Variants in SLIT3 observed in about 807,000 individuals in gnomAD.
The protein encoded by SLIT3 is slit homolog 3 protein.
In SLIT3, 68 loss-of-function variants were observed where a neutral mutation model predicts 184.0. The observed-to-expected ratio is 0.37, with a 90% CI of 0.30 to 0.45. SLIT3 has a LOEUF of 0.45. Ranked by LOEUF, SLIT3 falls within the 20% of genes least tolerant of loss-of-function variation. The pLI is 1.00. For missense variants in SLIT3, 1,707 were observed against 2,026.0 expected, an observed-to-expected ratio of 0.84 and a Z score of 3.02; for synonymous variants, 831 against 828.6, an observed-to-expected ratio of 1.00 and a Z score of -0.05.
intron 4 of SLIT3, among the ~76,000 whole-genome samples, chr5:168,974,673 A>T (rs1231368530): frequency 6.6e-6 from 1 of 152,178 alleles, no homozygotes; most frequent in East Asian, 1.9e-4. Context: ...GTGGCCCTTT[A>T]AAGACACCAG....
At chr5:169,096,914 A>G (rs1759808633) in intron 4 of SLIT3, among the ~76,000 whole-genome samples, 1 of 152,200 alleles carries the variant, frequency 6.6e-6, no homozygotes, top group Non-Finnish European at 1.5e-5. Flanking sequence ...CTATATTACA[A>G]TGTCGTCCTA....
At chr5:168,698,944 C>T (rs1046188570) in intron 27 of SLIT3, among the ~76,000 whole-genome samples, 4 of 152,228 alleles carry the variant, frequency 2.6e-5, no homozygotes, top group Non-Finnish European at 5.9e-5. Context: ...GAACCTCCAG[C>T]TGAGATGGGA....
chr5:169,269,159 A>C (rs942335315), intron 1 of SLIT3, among the ~76,000 whole-genome samples: 11 of 152,216 alleles, frequency 7.2e-5, no homozygotes, highest in African/African-American at 2.4e-4. Flanking sequence ...GTAAGCAATA[A>C]GGGCAAGGGC....
intron 4 of SLIT3, among the ~76,000 whole-genome samples, chr5:169,157,667 A>G (rs544976282): frequency 2.0e-5 from 3 of 152,332 alleles, no homozygotes; most frequent in African/African-American, 7.2e-5. Context: ...AAAACCACTC[A>G]TCATGCAGTG....
chr5:168,787,836 T>C (rs1340545450), intron 11 of SLIT3, among the ~76,000 whole-genome samples: 1 of 152,120 alleles, frequency 6.6e-6, no homozygotes, highest in Non-Finnish European at 1.5e-5. Flanking sequence ...TGGCTTCTCC[T>C]GAGCTGGGAT....
intron 27 of SLIT3, among the ~76,000 whole-genome samples, chr5:168,699,318 T>C (rs1325509878): frequency 2.6e-5 from 4 of 152,018 alleles, no homozygotes; most frequent in Non-Finnish European, 5.9e-5. Flanking sequence ...CTGGCCAGAG[T>C]GCTTTTGATA....
chr5:168,700,355 G>A (rs143229232), intron 27 of SLIT3, among the ~76,000 whole-genome samples: 1 of 152,308 alleles, frequency 6.6e-6, no homozygotes, highest in African/African-American at 2.4e-5. Context: ...CAGAGCTGAC[G>A]GTTTTATAAA....
At chr5:168,886,615 G>A (rs1760226351) in intron 4 of SLIT3, among the ~76,000 whole-genome samples, 1 of 152,180 alleles carries the variant, frequency 6.6e-6, no homozygotes, top group Admixed American at 6.5e-5. Context: ...GAAGTGACCT[G>A]AGAAGGGGAT....
chr5:168,919,130 G>A lies in SLIT3; in HGVS notation c.414-35794C>T, dbSNP rs1471712381. Among the ~76,000 whole-genome samples, 4 of 152,024 alleles carry A rather than the reference G, an allele frequency of 2.6e-5. No individual in the cohort carries two copies. In the East Asian group the frequency reaches 7.8e-4, roughly 29 times the overall value. ...AAAAAACTAGCCAAGCGTGGTGGCG[G>A]GTGCCTGTAGTCCCAGCTACTCGAG... On this transcript the variant is annotated intron_variant, in intron 4 of 35. Coordinates refer to ENST00000519560, the MANE Select transcript of SLIT3 (RefSeq NM_003062.4).
chr5:168,949,397 C>G (rs1342393055), intron 4 of SLIT3, among the ~76,000 whole-genome samples: 5 of 152,214 alleles, frequency 3.3e-5, no homozygotes, highest in African/African-American at 1.2e-4. Flanking sequence ...ACATGTGGTT[C>G]CATGAAATCT....
chr5:168,726,308 G>C (rs928316370), intron 20 of SLIT3, among the ~76,000 whole-genome samples: 9 of 147,432 alleles, frequency 6.1e-5, no homozygotes, highest in African/African-American at 2.0e-4. Flanking sequence ...CATAATTCCT[G>C]CTTTCAGGCA....
chr5:168,952,362 C>T (rs561395728), intron 4 of SLIT3, among the ~76,000 whole-genome samples: 1 of 152,198 alleles, frequency 6.6e-6, no homozygotes, highest in East Asian at 1.9e-4. Context: ...AGGTTTATTA[C>T]TGGAGCTCAG....
intron 7 of SLIT3, among the ~76,000 whole-genome samples, chr5:168,821,609 C>T (rs1383214838): frequency 1.3e-5 from 2 of 152,196 alleles, no homozygotes; most frequent in Non-Finnish European, 2.9e-5. Context: ...CTGAGTTATG[C>T]TTTTCAATGA....
chr5:169,240,257 G>T (rs11960653), intron 3 of SLIT3, among the ~76,000 whole-genome samples: 13,266 of 151,686 alleles, frequency 0.087, 880 homozygotes, highest in East Asian at 0.18. Context: ...GTTACATCAG[G>T]TTTACAAATA....
intron 11 of SLIT3, among the ~76,000 whole-genome samples, chr5:168,787,138 T>G (rs1756183432): frequency 6.6e-6 from 1 of 152,220 alleles, no homozygotes; most frequent in Non-Finnish European, 1.5e-5. Flanking sequence ...TTTCAACAAA[T>G]TAATGACTAA....
At chr5:169,120,723 C>T (rs558241626) in intron 4 of SLIT3, among the ~76,000 whole-genome samples, 2 of 152,282 alleles carry the variant, frequency 1.3e-5, no homozygotes, top group African/African-American at 2.4e-5. Flanking sequence ...CTGTTCTGTG[C>T]CCACCTTGAG....
chr5:169,229,387 C>A (rs982880377), intron 3 of SLIT3, among the ~76,000 whole-genome samples: 5 of 152,166 alleles, frequency 3.3e-5, no homozygotes, highest in African/African-American at 1.2e-4. Context: ...AACGATAACT[C>A]GCATTGTTTT....
At chr5:169,249,727 C>T (rs902299941) in intron 2 of SLIT3, among the ~76,000 whole-genome samples, 2 of 152,230 alleles carry the variant, frequency 1.3e-5, no homozygotes, top group South Asian at 2.1e-4. Context: ...GGAATTCCCC[C>T]ACCCTGATCT....
chr5:168,708,458 A>T (rs917914381), intron 25 of SLIT3: 63 of 304,236 alleles, frequency 2.1e-4, no homozygotes, highest in Admixed American at 1.1e-3. Context: ...CCCAGGCTCC[A>T]TTCGGACCTC....
Sources: allele counts gnomAD v4.1 joint callset (sites outside exome capture counted in the v4.1 genomes callset), GRCh38; gene constraint gnomAD v4.1.1; transcripts MANE v1.5; gene names NCBI Gene and HGNC (gene_info 2026-07-23, HGNC 2026-07-21).